Variants in XYLT2 observed in about 807,000 individuals in gnomAD.
XYLT2 encodes the protein UDP-D-xylose:proteoglycan core protein beta-D-xylosyltransferase.
A neutral mutation model predicts 82.6 loss-of-function variants in XYLT2; 37 were observed. That is an observed-to-expected ratio of 0.45 (90% CI 0.34 to 0.59). XYLT2 has a LOEUF of 0.59. Ranked by LOEUF, XYLT2 falls within the 20% of genes least tolerant of loss-of-function variation. The pLI, the probability that XYLT2 is intolerant of heterozygous loss-of-function variation, is 0.01. For missense variants in XYLT2, 934 were observed against 1,181.3 expected, an observed-to-expected ratio of 0.79 and a Z score of 3.07; for synonymous variants, 474 against 499.0, an observed-to-expected ratio of 0.95 and a Z score of 0.67.
chr17:50,350,642 C>A (rs530071093), intron 1 of XYLT2, among the ~76,000 whole-genome samples: 1 of 152,060 alleles, frequency 6.6e-6, no homozygotes, highest in African/African-American at 2.4e-5. Context: ...GTGAACAAAA[C>A]AGGAAAAAAG....
chr17:50,357,592 CTTTT>C (rs59572285), intron 9 of XYLT2: 65 of 156,336 alleles, frequency 4.2e-4, no homozygotes, highest in East Asian at 8.2e-4. Context: ...TCCTCATAGT[CTTTT>C]TTTTTTTTTT....
Position 50,361,052 on chromosome 17 carries a change from G to A in XYLT2, c.*761G>A. ...GGTCACATGAGCAGCGTGGGAAGAA[G>A]ACTCTGTCAAGACTCTCAGAAGAAC... On this transcript the variant is annotated 3_prime_UTR_variant, in exon 11 of 11. Transcript: ENST00000017003. 1.0e-6 allele frequency: 1 copy of A among 985,950 alleles called. No homozygotes were observed. The highest frequency in any genetic ancestry group is 1.2e-6 in the Non-Finnish European group (1 of 829,962). 61.1% of individuals were successfully genotyped at this position (985,950 alleles called of 1,614,324 possible). A position where few individuals can be genotyped will look rare whatever the true frequency, so the allele number is the denominator to read the frequency against.
chr17:50,353,371 C>G (rs1338824508), intron 1 of XYLT2, among the ~76,000 whole-genome samples: 1 of 152,226 alleles, frequency 6.6e-6, no homozygotes, highest in East Asian at 1.9e-4. Flanking sequence ...ACCAAGCACA[C>G]TGCCATGTAA....
intron 1 of XYLT2, among the ~76,000 whole-genome samples, chr17:50,349,921 G>A (rs1025503999): frequency 5.9e-5 from 9 of 152,078 alleles, no homozygotes; most frequent in African/African-American, 2.2e-4. Flanking sequence ...GGTGGCTCAC[G>A]CCTGTAATCC....
At position 50,346,559 on chromosome 17, in the gene XYLT2, G is replaced by C. The variant is rs1223611272; in HGVS notation, c.135+284G>C. The C allele has an allele frequency of 1.0e-6, 1 of 965,638 alleles. No individual in the cohort carries two copies. Among genetic ancestry groups the C allele is most frequent in the African/African-American group, 1.8e-5 (1 of 56,926 alleles). The allele number at this position is 965,638 out of a possible 1,614,324, so 59.8% of individuals were successfully genotyped here. ...ATGCTAGGGTGGTCTCCGGCCAAGGGAGCGATGAAGGTCAGGCGCGGCGAG... is the reference window on the plus strand; with the variant it reads ...ATGCTAGGGTGGTCTCCGGCCAAGGCAGCGATGAAGGTCAGGCGCGGCGAG... On this transcript the variant is annotated intron_variant, in intron 1 of 10. Transcript: ENST00000017003. This position sits in a 1 kb window ranked among gnomAD's most constrained non-coding sequence, Gnocchi z 5.1.
chr17:50,353,134 G>C (rs999858290), intron 1 of XYLT2, among the ~76,000 whole-genome samples: 1 of 152,072 alleles, frequency 6.6e-6, no homozygotes, highest in African/African-American at 2.4e-5. Flanking sequence ...CTCCTCCTTC[G>C]CTGTGAGGTG....
intron 2 of XYLT2, 134 bp downstream of exon 2, chr17:50,354,256 G>C (rs1046004036): frequency 1.2e-5 from 18 of 1,509,628 alleles, no homozygotes; most frequent in Non-Finnish European, 1.6e-5. Context: ...TTCATCCAGT[G>C]TACTTACTAA....
Position 50,346,166 on chromosome 17 carries a change from A to G in XYLT2, c.26A>G (p.Lys9Arg), listed in dbSNP as rs1284670051. 4.7e-6 allele frequency: 6 copies of G among 1,283,104 alleles called. No individual in the cohort carries two copies. Among genetic ancestry groups the G allele is most frequent in the African/African-American group, 3.2e-5 (2 of 62,996 alleles). The allele number at this position is 1,283,104 out of a possible 1,614,324, so 79.5% of individuals were successfully genotyped here. The change falls in exon 1 of 11, where the codon AAG becomes AGG. Residue 9 changes from lysine (K) to arginine (R), a missense_variant. By Grantham distance (26) the Lys-to-Arg change is conservative (BLOSUM62 2). This residue lies in a region of XYLT2 where 371 missense variants were observed against 394.9 expected (regional missense o/e 0.94). Transcript: ENST00000017003. The surrounding 1 kb of genome is among the most constrained non-coding windows in gnomAD (Gnocchi z 5.1). MVASARVQ[K>R]LVRRYKLAIA... Reference sequence around the variant, plus strand: ...ATGGTGGCGAGCGCGCGAGTGCAGAAGCTGGTGCGGCGCTACAAGCTGGCG... The same window carrying G: ...ATGGTGGCGAGCGCGCGAGTGCAGAGGCTGGTGCGGCGCTACAAGCTGGCG...
intron 1 of XYLT2, 29 bp from the exon 2 acceptor site, chr17:50,353,601 C>G: frequency 6.5e-7 from 1 of 1,547,974 alleles, no homozygotes. Context: ...AGGGTCTGCC[C>G]CAGTGATGTG....
chr17:50,353,754 G>A lies in XYLT2; in HGVS notation c.260G>A (p.Ser87Asn), dbSNP rs758061370. 6.4e-6 allele frequency: 10 copies of A among 1,557,816 alleles called. No homozygotes were observed. Among genetic ancestry groups the A allele is most frequent in the African/African-American group, 5.4e-5 (4 of 73,514 alleles). ...GGGCGCTGGCGGGGCCGTGCTGAGA[G>A]CCCAGGAGTGCCCGTGGCCAAGGTG... ...RHGRWRGRAE[S>N]PGVPVAKVVR... The change falls in exon 2 of 11, where the codon AGC (serine) becomes AAC (asparagine). Residue 87 changes from serine to asparagine, a missense_variant. By Grantham distance (46) the Ser-to-Asn change is conservative (BLOSUM62 1). This residue lies in a region of XYLT2 where 371 missense variants were observed against 394.9 expected (regional missense o/e 0.94). Transcript: ENST00000017003.
chr17:50,354,279 G>C, intron 2 of XYLT2, 129 bp from the exon 3 acceptor site: 2 of 1,493,548 alleles, frequency 1.3e-6, no homozygotes, highest in Non-Finnish European at 1.8e-6. Context: ...GGCAGAGGCA[G>C]AGTGGGGACC....
At chr17:50,357,327 CCAAGGG>C in intron 9 of XYLT2, 75 bp downstream of exon 9, 1 of 1,398,060 alleles carries the variant, frequency 7.2e-7, no homozygotes, top group South Asian at 1.5e-5. Flanking sequence ...GGGACAGACA[CCAAGGG>C]AGGGGTAAGG....
intron 1 of XYLT2, among the ~76,000 whole-genome samples, chr17:50,347,572 T>C (rs113761561): frequency 2.6e-5 from 4 of 152,300 alleles, no homozygotes; most frequent in African/African-American, 4.8e-5. Flanking sequence ...TTTGGGCAGA[T>C]GGGACATTCC....
At chr17:50,354,704 A>G in intron 3 of XYLT2, 121 bp downstream of exon 3, 2 of 1,522,654 alleles carry the variant, frequency 1.3e-6, no homozygotes, top group Non-Finnish European at 1.8e-6. Context: ...GGCCCTGAAC[A>G]GGGGAGTGGC....
chr17:50,348,373 C>A (rs1406283268), intron 1 of XYLT2, among the ~76,000 whole-genome samples: 1 of 152,056 alleles, frequency 6.6e-6, no homozygotes, highest in Admixed American at 6.6e-5. Context: ...AGCTGGGCAC[C>A]CTTGAGGAAT....
At chr17:50,356,882 G>T in intron 8 of XYLT2, 109 bp downstream of exon 8, 1 of 1,504,324 alleles carries the variant, frequency 6.6e-7, no homozygotes, top group East Asian at 2.3e-5. Flanking sequence ...GTCTGAAGCA[G>T]GGAAAAATGC....
Position 50,356,197 on chromosome 17 carries a change from A to G in XYLT2, c.1418A>G (p.His473Arg). 6.2e-7 allele frequency: 1 copy of G among 1,614,214 alleles called. No individual in the cohort carries two copies. The highest frequency in any genetic ancestry group is 8.5e-7 in the Non-Finnish European group (1 of 1,180,018). ...RKLGCKCQYK[H>R]IVDWCGCSPN... ...CTGGGCTGCAAGTGCCAGTACAAGC[A>G]CATTGTGGACTGGTGTGGCTGCTCC... Residue 473 changes from histidine (H) to arginine (R), a missense_variant, in exon 7 of 11, where the codon CAC (histidine) becomes CGC (arginine). Coordinates refer to ENST00000017003, the MANE Select transcript of XYLT2 (RefSeq NM_022167.4).
At position 50,346,716 on chromosome 17, in the gene XYLT2, G is replaced by A; in HGVS notation, c.135+441G>A. On this transcript the variant is annotated intron_variant, in intron 1 of 10. Transcript: ENST00000017003. This position sits in a 1 kb window ranked among gnomAD's most constrained non-coding sequence, Gnocchi z 5.1. ...GGAGTAGGGCCAAGGGACTCAGGGC[G>A]TCCTTCCCCAGCTGAGCCCGAGGGG... is the stretch of plus-strand genomic sequence containing the variant. The A allele has an allele frequency of 1.0e-6, 1 of 985,382 alleles. No homozygotes were observed. The highest frequency in any genetic ancestry group is 4.7e-5 in the South Asian group (1 of 21,278). The allele number at this position is 985,382 out of a possible 1,614,324, so 61.0% of individuals were successfully genotyped here. A position where few individuals can be genotyped will look rare whatever the true frequency, so the allele number is the denominator to read the frequency against.
chr17:50,357,872 G>A (rs980401301), intron 9 of XYLT2: 12 of 286,466 alleles, frequency 4.2e-5, no homozygotes, highest in African/African-American at 2.1e-4. Context: ...AAGCCACCGC[G>A]CCTGGCCCCT....
Sources: allele counts gnomAD v4.1 joint callset (sites outside exome capture counted in the v4.1 genomes callset), GRCh38; gene constraint gnomAD v4.1.1; regional missense constraint gnomAD v4.1.1; non-coding constraint Gnocchi (gnomAD v3.1); transcripts MANE v1.5; gene names NCBI Gene and HGNC (gene_info 2026-07-23, HGNC 2026-07-21).